KAT7: variants seen among roughly 807,000 people sequenced by gnomAD.
The protein encoded by KAT7 is histone acetyltransferase KAT7.
In KAT7, 10 loss-of-function variants were observed where a neutral mutation model predicts 82.1. The ratio of observed to expected loss-of-function variants is 0.12; its 90% confidence interval spans 0.08 to 0.21. The LOEUF (loss-of-function observed/expected upper bound fraction) is 0.21, where lower values mean the gene tolerates loss of function less well. KAT7 is among the 10% of genes least tolerant of loss of function. The pLI, the probability that KAT7 is intolerant of heterozygous loss-of-function variation, is 1.00. For synonymous variants in KAT7, 250 were observed against 262.5 expected (o/e 0.95, Z 0.46); for missense variants, 378 against 760.9 (o/e 0.50, Z 5.92).
chr17:49,824,953 A>G (rs957427802), intron 12 of KAT7, among the ~76,000 whole-genome samples: 3 of 152,024 alleles, frequency 2.0e-5, no homozygotes, highest in African/African-American at 7.2e-5. Context: ...CATGTCATAA[A>G]TTGTGATATT....
rs1040165525 is a variant in KAT7 at position 49,828,290 on chromosome 17, C to T, written c.*788C>T. On this transcript the variant is annotated 3_prime_UTR_variant, in exon 15 of 15. Coordinates refer to ENST00000259021, the MANE Select transcript of KAT7 (RefSeq NM_007067.5). The stretch of plus-strand genomic sequence containing the variant: ...TAAAGTACTCACTAGTAAATATTTC[C>T]TTCTCTCTTTACTCCCACTTTTTAC... 20 of 152,138 alleles carry T rather than the reference C, an allele frequency of 1.3e-4. No homozygotes were observed. The highest frequency in any genetic ancestry group is 4.6e-4 in the African/African-American group (19 of 41,402). The allele number at this position is 152,138 out of a possible 1,614,324, so 9.4% of individuals were successfully genotyped here. A position where few individuals can be genotyped will look rare whatever the true frequency, so the allele number is the denominator to read the frequency against.
chr17:49,793,421 T>C (rs2143842051), intron 2 of KAT7, among the ~76,000 whole-genome samples: 1 of 152,280 alleles, frequency 6.6e-6, no homozygotes, highest in East Asian at 1.9e-4. Flanking sequence ...ATTTGGAGGG[T>C]ACCCTTGACC....
chr17:49,809,561 C>T (rs975864709), intron 6 of KAT7, among the ~76,000 whole-genome samples: 7 of 152,172 alleles, frequency 4.6e-5, no homozygotes, highest in African/African-American at 1.7e-4. Context: ...CTTTCCAAGG[C>T]CACCAGTGAC....
chr17:49,820,496 G>C (rs1281315904), intron 9 of KAT7, among the ~76,000 whole-genome samples: 1 of 151,992 alleles, frequency 6.6e-6, no homozygotes, highest in African/African-American at 2.4e-5. Context: ...CCAGGCTGCT[G>C]TCAAACTCCT....
chr17:49,818,859 C>G (rs921415539), intron 9 of KAT7, among the ~76,000 whole-genome samples: 1 of 152,088 alleles, frequency 6.6e-6, no homozygotes, highest in Non-Finnish European at 1.5e-5. Flanking sequence ...CTGCCTCAGC[C>G]TCCTGAGTAC....
rs543497656 is a variant in KAT7 at position 49,804,286 on chromosome 17, G to A, written c.581-1077G>A. Among the ~76,000 whole-genome samples, 166 of 152,204 alleles carry A rather than the reference G, an allele frequency of 1.1e-3. 1 individual carries two copies. Among genetic ancestry groups the A allele is most frequent in the African/African-American group, 3.7e-3 (155 of 41,510 alleles). ...CCCAGCTACTCAGGAGGCTGAGGCG[G>A]GAGAATGGCGTGAACCCAGGAGGCG... On this transcript the variant is annotated intron_variant, in intron 4 of 14. Transcript: ENST00000259021.
intron 7 of KAT7, among the ~76,000 whole-genome samples, chr17:49,813,921 AC>A: frequency 6.7e-6 from 1 of 149,820 alleles, no homozygotes; most frequent in East Asian, 2.0e-4. Flanking sequence ...TCACTCTGTC[AC>A]CCAGGCTGGA....
In KAT7 at chr17:49,788,807, C is replaced by G. The variant is rs1327382817; in HGVS notation, c.-28C>G. ...CTGCTGCTGCCGCCGCTGCCCGAAT[C>G]GGAACCGTCGGGCCGCAGCCGCCGG... On this transcript the variant is annotated 5_prime_UTR_variant, in exon 1 of 15. In the 5' UTR this introduces an upstream ATG that the reference lacks. Transcript: ENST00000259021. The G allele has an allele frequency of 1.3e-6, 2 of 1,577,280 alleles. No individual in the cohort carries two copies. The highest frequency in any genetic ancestry group is 1.8e-5 in the Admixed American group (1 of 54,454).
rs1256270530 is a variant in KAT7, at chr17:49,829,769, C to T, written c.*2267C>T. On this transcript the variant is annotated 3_prime_UTR_variant, in exon 15 of 15. Transcript: ENST00000259021. Reference sequence around the variant, plus strand: ...CCCAGGTCTCCACTCGCTTTGCCATCCCACTTTACTCCCTAAAAATAAAAG... The same window carrying T: ...CCCAGGTCTCCACTCGCTTTGCCATTCCACTTTACTCCCTAAAAATAAAAG... 1 of 152,174 alleles carries T rather than the reference C, an allele frequency of 6.6e-6. No individual in the cohort carries two copies. Among genetic ancestry groups the T allele is most frequent in the Non-Finnish European group, 1.5e-5 (1 of 68,040 alleles). 9.4% of individuals were successfully genotyped at this position (152,174 alleles called of 1,614,324 possible).
At chr17:49,795,411 G>A (rs1028142420) in intron 2 of KAT7, 6 of 249,752 alleles carry the variant, frequency 2.4e-5, no homozygotes, top group Admixed American at 2.1e-4. Context: ...GCTGGACATC[G>A]GGCAGCATCT....
chr17:49,830,023 G>C lies in KAT7; in HGVS notation c.*2521G>C, dbSNP rs2074410274. 1 of 151,764 alleles carries C rather than the reference G, an allele frequency of 6.6e-6. No individual in the cohort carries two copies. The highest frequency in any genetic ancestry group is 1.5e-5 in the Non-Finnish European group (1 of 67,980). The allele number at this position is 151,764 out of a possible 1,614,324, so 9.4% of individuals were successfully genotyped here. On this transcript the variant is annotated 3_prime_UTR_variant, in exon 15 of 15. Coordinates refer to ENST00000259021, the MANE Select transcript of KAT7 (RefSeq NM_007067.5). ...CTTCCGAATAGCTGGGATTACAGGT[G>C]CCTGTCACCATGCCCAGCTAATTTT...
At position 49,830,262 on chromosome 17, in the gene KAT7, C is replaced by T. The variant is rs898799081; in HGVS notation, c.*2760C>T. On this transcript the variant is annotated 3_prime_UTR_variant, in exon 15 of 15. Transcript: ENST00000259021. The stretch of plus-strand genomic sequence containing the variant: ...AGTCCGGAATGCAGTGGCATGATCT[C>T]AGCTCACTGCAATGTCTGCCTCCTG... 1 of 142,244 alleles carries T rather than the reference C, an allele frequency of 7.0e-6. No individual in the cohort carries two copies. Among genetic ancestry groups the T allele is most frequent in the Non-Finnish European group, 1.5e-5 (1 of 66,622 alleles). 8.8% of individuals were successfully genotyped at this position (142,244 alleles called of 1,614,324 possible). A position where few individuals can be genotyped will look rare whatever the true frequency, so the allele number is the denominator to read the frequency against.
intron 11 of KAT7, among the ~76,000 whole-genome samples, chr17:49,822,410 T>G (rs1364579789): frequency 6.6e-6 from 1 of 152,016 alleles, no homozygotes; most frequent in Non-Finnish European, 1.5e-5. Context: ...TGTGTGATTT[T>G]AGTAGAGATG....
chr17:49,792,765 G>A (rs2073906615), intron 2 of KAT7, among the ~76,000 whole-genome samples: 1 of 152,204 alleles, frequency 6.6e-6, no homozygotes, highest in African/African-American at 2.4e-5. Context: ...CCTATTTAAA[G>A]TAGGCTAGGC....
intron 2 of KAT7, among the ~76,000 whole-genome samples, chr17:49,794,277 A>G (rs1884000816): frequency 6.6e-6 from 1 of 152,130 alleles, no homozygotes; most frequent in Non-Finnish European, 1.5e-5. Context: ...GCACTCCCAC[A>G]ATGATGAAGT....
intron 1 of KAT7, chr17:49,789,778 C>G (rs1024578239): frequency 1.3e-5 from 2 of 152,140 alleles, no homozygotes; most frequent in African/African-American, 4.8e-5. Flanking sequence ...CATGAATAAT[C>G]TTAGAAGGAT....
At chr17:49,791,802 T>G in intron 1 of KAT7, 84 bp from the exon 2 acceptor site, 2 of 1,400,782 alleles carry the variant, frequency 1.4e-6, no homozygotes, top group Non-Finnish European at 1.0e-6. Context: ...GTTTTCAGTG[T>G]CACAGCTTGT....
At chr17:49,800,502 A>C (rs1055115509) in intron 4 of KAT7, among the ~76,000 whole-genome samples, 6 of 152,190 alleles carry the variant, frequency 3.9e-5, no homozygotes, top group African/African-American at 1.4e-4. Flanking sequence ...ATGATGGCTA[A>C]TGTGCTTTAA....
At chr17:49,826,853 A>T in intron 14 of KAT7, 54 bp downstream of exon 14, 2 of 1,191,628 alleles carry the variant, frequency 1.7e-6, no homozygotes, top group South Asian at 1.2e-5. Context: ...AAGACTTAGC[A>T]GAGCAAAGTA....
Sources: gnomAD v4.1 joint callset for allele counts (sites outside exome capture counted in the v4.1 genomes callset) on GRCh38, gnomAD v4.1.1 for gene constraint, MANE v1.5 for transcripts, NCBI Gene and HGNC (gene_info 2026-07-23, HGNC 2026-07-21) for gene names.